Variants in KCNQ1 observed in about 807,000 individuals in gnomAD.
The protein encoded by KCNQ1 is potassium voltage-gated channel subfamily KQT member 1.
In KCNQ1, 49 loss-of-function variants were observed where a neutral mutation model predicts 72.4. The ratio of observed to expected loss-of-function variants is 0.68; its 90% CI spans 0.54 to 0.86. The LOEUF (loss-of-function observed/expected upper bound fraction) is 0.86. KCNQ1 is among the 40% of genes least tolerant of loss of function. The probability of loss-of-function intolerance (pLI) is 0.00; values close to 1 mark genes in which losing one functional copy is unlikely to be tolerated. For synonymous variants in KCNQ1, 450 were observed against 412.6 expected (o/e 1.09, Z -1.10); for missense variants, 790 against 945.1 (o/e 0.84, Z 2.15).
In KCNQ1 at chr11:2,666,305, C is replaced by T. The variant is rs1306760580; in HGVS notation, c.1514+4224C>T. ...GGGTGGAAAGAAGGCAGAGGGAAAG[C>T]TGCAGAGACCCCCACCAGGTGACTG... On this transcript the variant is annotated intron_variant, in intron 11 of 15. Transcript: ENST00000155840. The T allele has an allele frequency of 2.3e-5, 9 of 398,580 alleles. No individual in the cohort carries two copies. In the Admixed American group the frequency reaches 3.5e-4, roughly 16 times the overall value. The allele number at this position is 398,580 out of a possible 1,614,324, so 24.7% of individuals were successfully genotyped here. A position where few individuals can be genotyped will look rare whatever the true frequency, so the allele number is the denominator to read the frequency against.
rs1476861040 is a variant in KCNQ1 at position 2,600,979 on chromosome 11, G to A, written c.1393+12125G>A. 1.3e-5 allele frequency among the ~76,000 whole-genome samples: 2 copies of A among 151,836 alleles called. No individual in the cohort carries two copies. Among genetic ancestry groups the A allele is most frequent in the African/African-American group, 4.8e-5 (2 of 41,296 alleles). ...ACGATGTTATTTTGATCACCAAATT[G>A]AGGCCGTTATCCACTTTTCTACCTT... is the stretch of plus-strand genomic sequence containing the variant. On this transcript the variant is annotated intron_variant, in intron 10 of 15. Transcript: ENST00000155840. This position sits in a 1 kb window ranked among gnomAD's most constrained non-coding sequence, Gnocchi z 5.6.
At chr11:2,609,298 A>G (rs1848936023) in intron 10 of KCNQ1, 1 of 398,356 alleles carries the variant, frequency 2.5e-6, no homozygotes, top group Non-Finnish European at 4.4e-6. Flanking sequence ...TTAAGAATGT[A>G]GTGTTGTTTA....
intron 11 of KCNQ1, chr11:2,699,918 C>CGCTGAGGGGCGCCCTGGCAGGATCTT: frequency 2.5e-6 from 1 of 398,398 alleles, no homozygotes; most frequent in Non-Finnish European, 4.4e-6. Flanking sequence ...GGCAGAATCG[C>CGCTGAGGGGCGCCCTGGCAGGATCTT]GCTGAGGGGC....
intron 11 of KCNQ1, among the ~76,000 whole-genome samples, chr11:2,761,702 C>T (rs190136752): frequency 2.3e-4 from 35 of 152,344 alleles, no homozygotes; most frequent in Admixed American, 2.0e-3. Context: ...TCTGAGACCA[C>T]AGGGTGGACT....
intron 11 of KCNQ1, among the ~76,000 whole-genome samples, chr11:2,756,441 T>TAAAAAAAA (rs59499292): frequency 7.3e-6 from 1 of 137,244 alleles, no homozygotes; most frequent in Non-Finnish European, 1.6e-5. Flanking sequence ...TTACTAAAAT[T>TAAAAAAAA]AAAAAAAAAA....
chr11:2,533,340 A>G (rs536376017), intron 2 of KCNQ1, among the ~76,000 whole-genome samples: 24 of 152,296 alleles, frequency 1.6e-4, no homozygotes, highest in African/African-American at 4.8e-4. Context: ...TCCGGCCGGC[A>G]CCGTGAACAC....
rs546955489 is a variant in KCNQ1, at chr11:2,707,967, G to A, written c.1514+45886G>A. On this transcript the variant is annotated intron_variant, in intron 11 of 15. Coordinates refer to ENST00000155840, the MANE Select transcript of KCNQ1 (RefSeq NM_000218.3). ...GCATGTGCCACCCCCCAGAGTTCCT[G>A]TGTGTGGCCGGGTGAATGTGCACAG... 3.4e-3 allele frequency among the ~76,000 whole-genome samples: 520 copies of A among 152,318 alleles called. 1 individual carries two copies. The highest frequency in any genetic ancestry group is 5.7e-3 in the Non-Finnish European group (386 of 68,038).
At position 2,633,337 on chromosome 11, in the gene KCNQ1, A is replaced by G. The variant is rs544737880; in HGVS notation, c.1394-28624A>G. The G allele has an allele frequency of 7.9e-4, 316 of 398,338 alleles. No individual in the cohort carries two copies. The highest frequency in any genetic ancestry group is 1.2e-3 in the Non-Finnish European group (268 of 226,020). 24.7% of individuals were successfully genotyped at this position (398,338 alleles called of 1,614,324 possible). On this transcript the variant is annotated intron_variant, in intron 10 of 15. Transcript: ENST00000155840. Reference sequence around the variant, plus strand: ...CCCATTCTACAGGATATCTCTTAATAGTTTATTATTTCCTTTTATGTGTAG... The same window carrying G: ...CCCATTCTACAGGATATCTCTTAATGGTTTATTATTTCCTTTTATGTGTAG...
intron 2 of KCNQ1, among the ~76,000 whole-genome samples, chr11:2,570,294 C>A (rs1040734524): frequency 6.6e-6 from 1 of 151,540 alleles, no homozygotes; most frequent in South Asian, 2.1e-4. Flanking sequence ...CGTCGGACGC[C>A]CTCTGGCCCA....
rs113336708 is a variant in KCNQ1 at position 2,720,308 on chromosome 11, A to C, written c.1515-48536A>C. On this transcript the variant is annotated intron_variant, in intron 11 of 15. Coordinates refer to ENST00000155840, the MANE Select transcript of KCNQ1 (RefSeq NM_000218.3). The surrounding 1 kb of genome is among the most constrained non-coding windows in gnomAD (Gnocchi z 5.1). ...AGTGTCCTGGCAGCTCTCCTCATCC[A>C]TCCTATGTGTACACTCAGGCACGTA... Among the ~76,000 whole-genome samples, 1 of 152,042 alleles carries C rather than the reference A, an allele frequency of 6.6e-6. No individual in the cohort carries two copies. The highest frequency in any genetic ancestry group is 1.5e-5 in the Non-Finnish European group (1 of 67,992).
intron 1 of KCNQ1, among the ~76,000 whole-genome samples, chr11:2,469,040 G>A (rs975662155): frequency 1.3e-4 from 20 of 152,254 alleles, no homozygotes; most frequent in Admixed American, 7.2e-4. Context: ...AGCTCCGTGC[G>A]ACAGCTCTAG....
chr11:2,820,343 A>G (rs937027459), intron 15 of KCNQ1, among the ~76,000 whole-genome samples: 1 of 152,214 alleles, frequency 6.6e-6, no homozygotes, highest in African/African-American at 2.4e-5. Flanking sequence ...GGTACTTTTT[A>G]AACTTCAAGA....
Position 2,668,821 on chromosome 11 carries a change from A to C in KCNQ1, c.1514+6740A>C. ...TAATTTTCATGTGGTCCAGTTAATCAAACATTTCCTCTCTGGATAGGGCTG... is the reference window on the plus strand; with the variant it reads ...TAATTTTCATGTGGTCCAGTTAATCCAACATTTCCTCTCTGGATAGGGCTG... On this transcript the variant is annotated intron_variant, in intron 11 of 15. Transcript: ENST00000155840. The surrounding 1 kb of genome is among the most constrained non-coding windows in gnomAD (Gnocchi z 4.3). The C allele has an allele frequency of 2.5e-6, 1 of 398,648 alleles. No individual in the cohort carries two copies. Among genetic ancestry groups the C allele is most frequent in the Non-Finnish European group, 4.4e-6 (1 of 226,066 alleles). 24.7% of individuals were successfully genotyped at this position (398,648 alleles called of 1,614,324 possible).
In KCNQ1 at chr11:2,657,395, T is replaced by A; in HGVS notation, c.1394-4566T>A. The A allele has an allele frequency of 2.5e-6, 1 of 398,612 alleles. No homozygotes were observed. The highest frequency in any genetic ancestry group is 4.4e-6 in the Non-Finnish European group (1 of 226,040). 24.7% of individuals were successfully genotyped at this position (398,612 alleles called of 1,614,324 possible). ...TCTTCATTGTCTCTTACTAAAGTTT[T>A]ACAATTTTCTCCAGAGTTCTTGCAT... On this transcript the variant is annotated intron_variant, in intron 10 of 15. Coordinates refer to ENST00000155840, the MANE Select transcript of KCNQ1 (RefSeq NM_000218.3). This position sits in a 1 kb window ranked among gnomAD's most constrained non-coding sequence, Gnocchi z 4.8.
At chr11:2,738,609 G>A (rs1486194519) in intron 11 of KCNQ1, among the ~76,000 whole-genome samples, 1 of 152,166 alleles carries the variant, frequency 6.6e-6, no homozygotes, top group African/African-American at 2.4e-5. Flanking sequence ...TCCCTCCTGG[G>A]CCCCCGAGTC....
At chr11:2,757,593 G>C (rs548129832) in intron 11 of KCNQ1, among the ~76,000 whole-genome samples, 1 of 152,140 alleles carries the variant, frequency 6.6e-6, no homozygotes, top group Non-Finnish European at 1.5e-5. Flanking sequence ...TATATGGAAA[G>C]GCACATGCTG....
chr11:2,469,463 G>C (rs1211879051), intron 1 of KCNQ1, among the ~76,000 whole-genome samples: 5 of 151,920 alleles, frequency 3.3e-5, no homozygotes, highest in South Asian at 2.1e-4. Flanking sequence ...AGTAGAGACA[G>C]GGTTTCACCA....
rs926644044 is a variant in KCNQ1, at chr11:2,827,941, A to G, written c.1795-19826A>G. ...GGTGAGGTCAGGGGCCGGGAACCCT[A>G]TGGTGGTGTTGGCCCTGAGTCCAAG... On this transcript the variant is annotated intron_variant, in intron 15 of 15. Transcript: ENST00000155840. The surrounding 1 kb of genome is among the most constrained non-coding windows in gnomAD (Gnocchi z 6.7). Among the ~76,000 whole-genome samples the G allele has an allele frequency of 1.3e-5, 2 of 152,224 alleles. No homozygotes were observed. Among genetic ancestry groups the G allele is most frequent in the East Asian group, 3.8e-4 (2 of 5,202 alleles).
At chr11:2,732,136 C>T (rs970487108) in intron 11 of KCNQ1, among the ~76,000 whole-genome samples, 1 of 152,238 alleles carries the variant, frequency 6.6e-6, no homozygotes, top group Non-Finnish European at 1.5e-5. Context: ...CTGTCGACTC[C>T]ATTTGCTCTG....
Sources: gnomAD v4.1 joint callset for allele counts (sites outside exome capture counted in the v4.1 genomes callset) on GRCh38, gnomAD v4.1.1 for gene constraint, Gnocchi (gnomAD v3.1) non-coding constraint, MANE v1.5 for transcripts, NCBI Gene and HGNC (gene_info 2026-07-23, HGNC 2026-07-21) for gene names.